SHLD1: variants seen among roughly 807,000 people sequenced by gnomAD.
The protein encoded by SHLD1 is shieldin complex subunit 1.
In SHLD1, 3 loss-of-function variants were observed where a neutral mutation model predicts 5.5. That is an observed-to-expected ratio of 0.54 (90% CI 0.25 to 1.40). The LOEUF is 1.40. Among genes scored for constraint, SHLD1 ranks in the 40% most tolerant of loss-of-function variants. SHLD1 has a pLI of 0.15. For synonymous variants in SHLD1, 92 were observed against 94.3 expected, an observed-to-expected ratio of 0.98 and a Z score of 0.14; for missense variants, 210 against 244.4, an observed-to-expected ratio of 0.86 and a Z score of 0.94.
chr20:5,859,838 A>C (rs1807412010), intron 2 of SHLD1, among the ~76,000 whole-genome samples: 1 of 152,266 alleles, frequency 6.6e-6, no homozygotes, highest in Non-Finnish European at 1.5e-5. Flanking sequence ...TGACATGTGC[A>C]TGAAAAGTAT....
chr20:5,799,004 A>G (rs959127291), intron 2 of SHLD1, among the ~76,000 whole-genome samples: 2 of 152,018 alleles, frequency 1.3e-5, no homozygotes, highest in South Asian at 4.1e-4. Flanking sequence ...GAGTCTCTAC[A>G]TGGCAACATG....
At chr20:5,802,431 T>C (rs1277834107) in intron 2 of SHLD1, among the ~76,000 whole-genome samples, 1 of 152,170 alleles carries the variant, frequency 6.6e-6, no homozygotes, top group Non-Finnish European at 1.5e-5. Flanking sequence ...GGCCACACTT[T>C]CCTCATTTGG....
At chr20:5,816,298 G>A (rs1219419853) in intron 2 of SHLD1, among the ~76,000 whole-genome samples, 1 of 151,810 alleles carries the variant, frequency 6.6e-6, no homozygotes, top group South Asian at 2.1e-4. Flanking sequence ...TTTATTTTAA[G>A]TAAAGATTGC....
chr20:5,833,599 T>C (rs2087755107), intron 2 of SHLD1, among the ~76,000 whole-genome samples: 1 of 151,838 alleles, frequency 6.6e-6, no homozygotes, highest in South Asian at 2.1e-4. Context: ...TAACTGAGTG[T>C]CCTGCTGCCT....
intron 1 of SHLD1, among the ~76,000 whole-genome samples, chr20:5,769,248 G>T (rs919581589): frequency 1.3e-5 from 2 of 152,124 alleles, no homozygotes; most frequent in African/African-American, 2.4e-5. Context: ...GGTGCTGTGT[G>T]GTATTTCATT....
At chr20:5,857,895 C>T (rs1245514523) in intron 2 of SHLD1, among the ~76,000 whole-genome samples, 3 of 151,868 alleles carry the variant, frequency 2.0e-5, no homozygotes, top group African/African-American at 7.3e-5. Context: ...GTCAGGAGAT[C>T]GAGACCATCC....
At chr20:5,754,667 A>G (rs1306493728) in intron 1 of SHLD1, among the ~76,000 whole-genome samples, 1 of 152,224 alleles carries the variant, frequency 6.6e-6, no homozygotes, top group Non-Finnish European at 1.5e-5. Flanking sequence ...CTCAAAATGT[A>G]TAAATGTTTG....
intron 2 of SHLD1, among the ~76,000 whole-genome samples, chr20:5,804,112 A>G (rs1568510794): frequency 6.6e-6 from 1 of 151,572 alleles, no homozygotes; most frequent in African/African-American, 2.4e-5. Flanking sequence ...GGAGTTTGAG[A>G]CCAGCCTGGC....
intron 2 of SHLD1, among the ~76,000 whole-genome samples, chr20:5,775,705 C>G (rs373452689): frequency 1.3e-5 from 2 of 152,074 alleles, no homozygotes; most frequent in Non-Finnish European, 1.5e-5. Flanking sequence ...CTGCTTCTTC[C>G]CCTGGTTTGA....
chr20:5,834,713 T>A (rs1365134504), intron 2 of SHLD1, among the ~76,000 whole-genome samples: 3 of 152,240 alleles, frequency 2.0e-5, no homozygotes, highest in African/African-American at 7.2e-5. Flanking sequence ...CTATTTGGGC[T>A]TCTATAACAA....
chr20:5,785,624 C>T (rs547956855), intron 2 of SHLD1, among the ~76,000 whole-genome samples: 5 of 152,064 alleles, frequency 3.3e-5, no homozygotes, highest in African/African-American at 1.2e-4. Flanking sequence ...AGTGAAACCC[C>T]GTCTCTACTA....
chr20:5,750,511 A>AGG (rs1983679415), intron 1 of SHLD1, 32 bp downstream of exon 1: 1 of 21,946 alleles, frequency 4.6e-5, no homozygotes, highest in Non-Finnish European at 8.3e-5. Flanking sequence ...GGGGGGTTGG[A>AGG]GTGGTGGGGG....
intron 2 of SHLD1, among the ~76,000 whole-genome samples, chr20:5,830,041 T>G (rs976823872): frequency 2.0e-5 from 3 of 152,196 alleles, no homozygotes; most frequent in African/African-American, 7.2e-5. Flanking sequence ...AAAGCAGAAC[T>G]GGGCCCTCAG....
At position 5,855,916 on chromosome 20, in the gene SHLD1, G is replaced by A. The variant is rs541804069; in HGVS notation, c.179-7108G>A. Reference sequence around the variant, plus strand: ...CAGTGAAATATGAACAGAAGTAATAGAGCTGTCCCAGTCACTGCTGATTTC... The same window carrying A: ...CAGTGAAATATGAACAGAAGTAATAAAGCTGTCCCAGTCACTGCTGATTTC... On this transcript the variant is annotated intron_variant, in intron 2 of 2. Transcript: ENST00000303142. This position sits in a 1 kb window ranked among gnomAD's most constrained non-coding sequence, Gnocchi z 4.4. Among the ~76,000 whole-genome samples the A allele has an allele frequency of 1.3e-5, 2 of 152,284 alleles. No individual in the cohort carries two copies. Among genetic ancestry groups the A allele is most frequent in the Admixed American group, 1.3e-4 (2 of 15,296 alleles).
At chr20:5,825,166 G>T (rs903969261) in intron 2 of SHLD1, among the ~76,000 whole-genome samples, 2 of 152,176 alleles carry the variant, frequency 1.3e-5, no homozygotes, top group Admixed American at 1.3e-4. Context: ...GCATATAATC[G>T]CAGCAACCTG....
intron 2 of SHLD1, among the ~76,000 whole-genome samples, chr20:5,814,366 A>G (rs1288293844): frequency 1.3e-5 from 2 of 152,194 alleles, no homozygotes; most frequent in African/African-American, 4.8e-5. Flanking sequence ...AGTAAGCTTC[A>G]TCTGTGAAAT....
chr20:5,799,026 T>C (rs370022163), intron 2 of SHLD1, among the ~76,000 whole-genome samples: 5 of 152,046 alleles, frequency 3.3e-5, no homozygotes, highest in African/African-American at 1.2e-4. Context: ...CAAAACCCCG[T>C]CTCTACAAAA....
At chr20:5,774,180 A>T (rs1342958428) in intron 2 of SHLD1, among the ~76,000 whole-genome samples, 1 of 152,152 alleles carries the variant, frequency 6.6e-6, no homozygotes. Context: ...CTCCAGTCTG[A>T]GCGAAAGAGC....
At chr20:5,808,413 T>TAC (rs1213142239) in intron 2 of SHLD1, among the ~76,000 whole-genome samples, 4 of 152,256 alleles carry the variant, frequency 2.6e-5, no homozygotes, top group Non-Finnish European at 5.9e-5. Context: ...TGTACATGTG[T>TAC]ATATTGTACA....
Sources: allele counts gnomAD v4.1 joint callset (sites outside exome capture counted in the v4.1 genomes callset), GRCh38; gene constraint gnomAD v4.1.1; non-coding constraint Gnocchi (gnomAD v3.1); transcripts MANE v1.5; gene names NCBI Gene and HGNC (gene_info 2026-07-23, HGNC 2026-07-21).